NAALADL2: variants seen among roughly 807,000 people sequenced by gnomAD.
NAALADL2 encodes the protein inactive N-acetylated-alpha-linked acidic dipeptidase-like protein 2.
In NAALADL2, 76 loss-of-function variants were observed where a neutral mutation model predicts 87.2. The ratio of observed to expected loss-of-function variants is 0.87; its 90% CI spans 0.72 to 1.05. The LOEUF is 1.05. Among genes scored for constraint, NAALADL2 ranks in the 50% least tolerant of loss-of-function variants. NAALADL2 has a pLI of 0.00. For missense variants in NAALADL2, 1,089 were observed against 945.8 expected (o/e 1.15, Z -1.99); for synonymous variants, 354 against 331.0 (o/e 1.07, Z -0.75).
At chr3:175,396,726 G>T (rs1369913346) in intron 5 of NAALADL2, among the ~76,000 whole-genome samples, 2 of 152,042 alleles carry the variant, frequency 1.3e-5, no homozygotes, top group Non-Finnish European at 2.9e-5. Context: ...ATTCAATCAT[G>T]GGGATGGTTA....
intron 3 of NAALADL2, among the ~76,000 whole-genome samples, chr3:174,824,293 A>G (rs952308181): frequency 2.0e-5 from 3 of 152,192 alleles, no homozygotes; most frequent in Non-Finnish European, 2.9e-5. Context: ...GTAATAATCT[A>G]TAGAAAGAAG....
At chr3:174,539,279 G>T (rs1357254417) in intron 1 of NAALADL2, among the ~76,000 whole-genome samples, 1 of 152,076 alleles carries the variant, frequency 6.6e-6, no homozygotes, top group Non-Finnish European at 1.5e-5. Context: ...ACACAGAGAT[G>T]AAATGATAGC....
chr3:174,801,663 T>A (rs1318564325), intron 3 of NAALADL2, among the ~76,000 whole-genome samples: 1 of 152,174 alleles, frequency 6.6e-6, no homozygotes, highest in African/African-American at 2.4e-5. Context: ...TGAGGAAGTT[T>A]CCTTCTATTC....
At chr3:174,885,508 A>G (rs1729981659) in intron 1 of NAALADL2, among the ~76,000 whole-genome samples, 1 of 152,162 alleles carries the variant, frequency 6.6e-6, no homozygotes, top group African/African-American at 2.4e-5. Flanking sequence ...CCTCCCACGA[A>G]TGATGAATCA....
At chr3:174,829,077 A>G (rs1722313564) in intron 3 of NAALADL2, among the ~76,000 whole-genome samples, 2 of 151,868 alleles carry the variant, frequency 1.3e-5, no homozygotes, top group Admixed American at 6.6e-5. Flanking sequence ...AAAGAGGTTC[A>G]GGTATTACAT....
At chr3:175,543,315 A>G (rs1712711899) in intron 9 of NAALADL2, among the ~76,000 whole-genome samples, 1 of 152,186 alleles carries the variant, frequency 6.6e-6, no homozygotes, top group South Asian at 2.1e-4. Context: ...GACCTGCTGC[A>G]GTAAAAAATG....
intron 1 of NAALADL2, among the ~76,000 whole-genome samples, chr3:174,983,409 T>C (rs1346037096): frequency 6.6e-6 from 1 of 152,176 alleles, no homozygotes; most frequent in Non-Finnish European, 1.5e-5. Context: ...GTTGAGGATA[T>C]GAGCTTTGGC....
intron 1 of NAALADL2, among the ~76,000 whole-genome samples, chr3:174,532,590 AG>A (rs1721342766): frequency 6.6e-6 from 1 of 152,188 alleles, no homozygotes; most frequent in Non-Finnish European, 1.5e-5. Flanking sequence ...TAGAATAGTG[AG>A]GGAGAAAAAA....
intron 10 of NAALADL2, among the ~76,000 whole-genome samples, chr3:175,590,015 A>C (rs1721161426): frequency 6.6e-6 from 1 of 151,996 alleles, no homozygotes; most frequent in South Asian, 2.1e-4. Context: ...GATCGAGACC[A>C]TCCTGGCTAA....
intron 10 of NAALADL2, among the ~76,000 whole-genome samples, chr3:175,613,280 A>G (rs947432894): frequency 2.6e-5 from 4 of 152,218 alleles, no homozygotes; most frequent in Admixed American, 1.3e-4. Context: ...GTGAAAAGAA[A>G]GATATCTACT....
chr3:175,444,881 C>T (rs1220720010), intron 5 of NAALADL2, among the ~76,000 whole-genome samples: 1 of 152,294 alleles, frequency 6.6e-6, no homozygotes, highest in East Asian at 1.9e-4. Context: ...CCACGGCTGC[C>T]ATAGGCCAAA....
At chr3:175,361,542 T>C (rs1365667428) in intron 5 of NAALADL2, among the ~76,000 whole-genome samples, 2 of 148,320 alleles carry the variant, frequency 1.3e-5, no homozygotes, top group Non-Finnish European at 1.5e-5. Flanking sequence ...TTTCCTGACT[T>C]ATTAATGATT....
At chr3:174,633,226 G>A (rs1722321273) in intron 2 of NAALADL2, among the ~76,000 whole-genome samples, 1 of 151,810 alleles carries the variant, frequency 6.6e-6, no homozygotes, top group Non-Finnish European at 1.5e-5. Flanking sequence ...TAATTTGCTT[G>A]TTTCAGATAC....
intron 6 of NAALADL2, among the ~76,000 whole-genome samples, chr3:175,457,685 A>C (rs969852799): frequency 3.0e-5 from 4 of 131,470 alleles, no homozygotes; most frequent in Non-Finnish European, 4.7e-5. Flanking sequence ...TGTCTGGCTA[A>C]TTTTTTTTTT....
chr3:175,689,403 C>T (rs952436171), intron 11 of NAALADL2, among the ~76,000 whole-genome samples: 2 of 151,866 alleles, frequency 1.3e-5, no homozygotes, highest in Non-Finnish European at 2.9e-5. Flanking sequence ...TAGGAAGCTT[C>T]AACTATATAT....
intron 5 of NAALADL2, among the ~76,000 whole-genome samples, chr3:175,429,375 T>G (rs544394140): frequency 6.6e-6 from 1 of 152,132 alleles, no homozygotes; most frequent in East Asian, 1.9e-4. Flanking sequence ...TGACTTTCTT[T>G]TGCACCACTC....
intron 2 of NAALADL2, among the ~76,000 whole-genome samples, chr3:175,135,388 T>C (rs1212712174): frequency 6.6e-6 from 1 of 151,804 alleles, no homozygotes; most frequent in Non-Finnish European, 1.5e-5. Context: ...TTTCCTTTGT[T>C]AATATCCCTA....
chr3:174,636,464 A>G (rs13071049), intron 2 of NAALADL2, among the ~76,000 whole-genome samples: 6,322 of 152,268 alleles, frequency 0.042, 188 homozygotes, highest in Middle Eastern at 0.099. Flanking sequence ...GTAAAAATAT[A>G]CAAATAATAC....
chr3:175,063,525 G>A, intron 1 of NAALADL2, among the ~76,000 whole-genome samples: 1 of 151,876 alleles, frequency 6.6e-6, no homozygotes, highest in East Asian at 1.9e-4. Context: ...CACCCAGCCT[G>A]GAATGCAGTC....
Sources: gnomAD v4.1 joint callset for allele counts (sites outside exome capture counted in the v4.1 genomes callset) on GRCh38, gnomAD v4.1.1 for gene constraint, MANE v1.5 for transcripts, NCBI Gene and HGNC (gene_info 2026-07-23, HGNC 2026-07-21) for gene names.